Variants in WWOX observed in about 807,000 individuals in gnomAD.
WWOX encodes WW domain containing oxidoreductase.
In WWOX, 69 loss-of-function variants were observed where a neutral mutation model predicts 46.2. The observed-to-expected ratio is 1.49, with a 90% CI of 1.23 to 1.82. The LOEUF is 1.82. Ranked by LOEUF, WWOX falls within the 40% of genes most tolerant of loss-of-function variation. The pLI, the probability that WWOX is intolerant of heterozygous loss-of-function variation, is 0.00. For synonymous variants in WWOX, 359 were observed against 202.6 expected (o/e 1.77, Z -6.56); for missense variants, 919 against 542.6 (o/e 1.69, Z -6.89).
intron 8 of WWOX, among the ~76,000 whole-genome samples, chr16:78,701,121 G>A (rs959734804): frequency 6.6e-6 from 1 of 152,150 alleles, no homozygotes; most frequent in African/African-American, 2.4e-5. Flanking sequence ...TACCTCACAA[G>A]GTAGCTGTGA....
At chr16:78,455,986 G>C (rs1243000959) in intron 8 of WWOX, among the ~76,000 whole-genome samples, 2 of 152,236 alleles carry the variant, frequency 1.3e-5, no homozygotes, top group Non-Finnish European at 2.9e-5. Flanking sequence ...GCCAGGACCT[G>C]TGCTATGTAG....
chr16:78,913,907 T>A (rs1209451579), intron 8 of WWOX, among the ~76,000 whole-genome samples: 8 of 152,140 alleles, frequency 5.3e-5, no homozygotes, highest in Middle Eastern at 3.4e-3. Context: ...GTGATCCTCC[T>A]GCCTTGGCCT....
intron 8 of WWOX, among the ~76,000 whole-genome samples, chr16:78,629,957 C>G (rs2046389636): frequency 1.3e-5 from 2 of 151,988 alleles, no homozygotes; most frequent in Non-Finnish European, 2.9e-5. Context: ...GTTAATTTTC[C>G]CTTTTCCAGC....
At chr16:79,062,920 C>G (rs76201642) in intron 8 of WWOX, among the ~76,000 whole-genome samples, 5,225 of 152,254 alleles carry the variant, frequency 0.034, 121 homozygotes, top group Middle Eastern at 0.085. Flanking sequence ...TCTGGCTGTC[C>G]ACCTGCTCAA....
chr16:79,016,811 A>G (rs965408261), intron 8 of WWOX: 2 of 152,160 alleles, frequency 1.3e-5, no homozygotes, highest in African/African-American at 2.4e-5. Context: ...GATGACCTCA[A>G]CTACTGCTTT....
At chr16:78,775,177 C>T (rs2050158977) in intron 8 of WWOX, among the ~76,000 whole-genome samples, 1 of 152,162 alleles carries the variant, frequency 6.6e-6, no homozygotes, top group Non-Finnish European at 1.5e-5. Flanking sequence ...GCCTGCCTGG[C>T]TCCTCTCCTC....
chr16:78,478,319 G>C (rs1423120619), intron 8 of WWOX, among the ~76,000 whole-genome samples: 1 of 152,078 alleles, frequency 6.6e-6, no homozygotes, highest in Non-Finnish European at 1.5e-5. Flanking sequence ...TTCTCAGACG[G>C]TTTAAAATTC....
intron 8 of WWOX, among the ~76,000 whole-genome samples, chr16:78,665,210 G>A (rs138235738): frequency 0.015 from 2,226 of 152,232 alleles, 23 homozygotes; most frequent in Middle Eastern, 0.024. Context: ...AAGTTGGCAC[G>A]CGGGCTTCTG....
chr16:79,062,054 A>G (rs562143101), intron 8 of WWOX, among the ~76,000 whole-genome samples: 1 of 152,290 alleles, frequency 6.6e-6, no homozygotes, highest in South Asian at 2.1e-4. Context: ...CTTATCAGCA[A>G]AACTTCAGCT....
chr16:79,001,693 T>C (rs905776), intron 8 of WWOX, among the ~76,000 whole-genome samples: 150,197 of 151,044 alleles, frequency 0.99, 74,680 homozygotes, highest in East Asian at 1. Flanking sequence ...CAAATTGAGC[T>C]AGACCTCAGG....
At chr16:78,414,706 A>T (rs1046035569) in intron 6 of WWOX, among the ~76,000 whole-genome samples, 1 of 152,232 alleles carries the variant, frequency 6.6e-6, no homozygotes, top group Non-Finnish European at 1.5e-5. Flanking sequence ...GCTGGTAATT[A>T]TTTAAAACTC....
At chr16:78,924,461 T>A (rs1032992752) in intron 8 of WWOX, among the ~76,000 whole-genome samples, 1 of 152,218 alleles carries the variant, frequency 6.6e-6, no homozygotes, top group African/African-American at 2.4e-5. Context: ...AGTTAAAATA[T>A]CTCACTTAAA....
chr16:78,446,224 C>T (rs1480694392), intron 8 of WWOX, among the ~76,000 whole-genome samples: 1 of 152,144 alleles, frequency 6.6e-6, no homozygotes, highest in Non-Finnish European at 1.5e-5. Context: ...GACCATGTTC[C>T]AGAGAGTATT....
At chr16:78,764,588 G>T (rs1404163240) in intron 8 of WWOX, among the ~76,000 whole-genome samples, 3 of 139,232 alleles carry the variant, frequency 2.2e-5, no homozygotes, top group African/African-American at 2.7e-5. Flanking sequence ...CACATGTGCC[G>T]TGCCCCGGGT....
chr16:79,127,333 A>G (rs980114254), intron 8 of WWOX, among the ~76,000 whole-genome samples: 7 of 152,114 alleles, frequency 4.6e-5, no homozygotes, highest in South Asian at 4.1e-4. Flanking sequence ...TTACAAGGCA[A>G]TATGTTTGTA....
intron 5 of WWOX, among the ~76,000 whole-genome samples, chr16:78,318,272 A>ATTTTTTTTTTTTTTTTTTTTTTTT (rs34730954): frequency 2.4e-5 from 3 of 123,564 alleles, no homozygotes; most frequent in African/African-American, 9.6e-5. Context: ...TCTGGGAGGA[A>ATTTTTTTTTTTTTTTTTTTTTTTT]TTTTTTTTTT....
At chr16:78,568,392 T>C (rs971682963) in intron 8 of WWOX, among the ~76,000 whole-genome samples, 2 of 151,934 alleles carry the variant, frequency 1.3e-5, no homozygotes, top group African/African-American at 4.8e-5. Context: ...AGAATCACTT[T>C]GAGTTATTAC....
At chr16:79,047,672 A>ACTTTT (rs529812201) in intron 8 of WWOX, among the ~76,000 whole-genome samples, 37 of 53,532 alleles carry the variant, frequency 6.9e-4, no homozygotes, top group African/African-American at 2.8e-3. Flanking sequence ...GACTGTCCTG[A>ACTTTT]TTTTTTTTTT....
chr16:78,508,266 C>T (rs545673232), intron 8 of WWOX, among the ~76,000 whole-genome samples: 1 of 150,396 alleles, frequency 6.6e-6, no homozygotes, highest in Admixed American at 6.6e-5. Context: ...CTGCCTCAGC[C>T]ACCCAAAGTG....
Sources: allele counts gnomAD v4.1 joint callset (sites outside exome capture counted in the v4.1 genomes callset), GRCh38; gene constraint gnomAD v4.1.1; transcripts MANE v1.5; gene names NCBI Gene and HGNC (gene_info 2026-07-23, HGNC 2026-07-21).